The following FRMD4A variants were observed in gnomAD, a reference collection of about 807,000 sequenced individuals.
The protein encoded by FRMD4A is FERM domain containing 4A, also known as FERM domain-containing protein 4A.
A neutral mutation model predicts 129.1 loss-of-function variants in FRMD4A; 29 were observed. The observed-to-expected ratio is 0.22, with a 90% CI of 0.17 to 0.31. The LOEUF (loss-of-function observed/expected upper bound fraction) is 0.31, where lower values mean the gene tolerates loss of function less well. Among genes scored for constraint, FRMD4A ranks in the 10% least tolerant of loss-of-function variants. FRMD4A has a pLI of 1.00. For synonymous variants in FRMD4A, 634 were observed against 571.6 expected, an observed-to-expected ratio of 1.11 and a Z score of -1.56; for missense variants, 1,272 against 1,375.8, an observed-to-expected ratio of 0.92 and a Z score of 1.19.
intron 3 of FRMD4A, among the ~76,000 whole-genome samples, chr10:13,824,890 G>C (rs909518560): frequency 3.4e-5 from 4 of 116,456 alleles, no homozygotes; most frequent in African/African-American, 1.4e-4. Flanking sequence ...GCAAGACTCT[G>C]TCTCAAAAAA....
At chr10:14,036,639 A>G (rs1833514515) in intron 2 of FRMD4A, among the ~76,000 whole-genome samples, 1 of 152,192 alleles carries the variant, frequency 6.6e-6, no homozygotes, top group Non-Finnish European at 1.5e-5. Context: ...TTTGGGATGG[A>G]GTCTTGCTCT....
chr10:14,300,971 T>G (rs1270887058), intron 2 of FRMD4A, among the ~76,000 whole-genome samples: 1 of 152,144 alleles, frequency 6.6e-6, no homozygotes, highest in Non-Finnish European at 1.5e-5. Flanking sequence ...CAATGGGAGC[T>G]TTGGGCCATG....
At chr10:13,712,975 G>A (rs1209506939) in intron 12 of FRMD4A, among the ~76,000 whole-genome samples, 1 of 152,238 alleles carries the variant, frequency 6.6e-6, no homozygotes, top group Non-Finnish European at 1.5e-5. Flanking sequence ...TCCCCAGCCA[G>A]CATTTATGGA....
chr10:14,150,250 A>C (rs368886981), intron 2 of FRMD4A, among the ~76,000 whole-genome samples: 2 of 152,286 alleles, frequency 1.3e-5, no homozygotes, highest in African/African-American at 4.8e-5. Context: ...TACAGTATTG[A>C]TCCTAAAAGG....
At chr10:13,996,697 C>T (rs75975936) in intron 2 of FRMD4A, among the ~76,000 whole-genome samples, 3,340 of 152,292 alleles carry the variant, frequency 0.022, 135 homozygotes, top group African/African-American at 0.075. Flanking sequence ...CTAGTGTTGG[C>T]ACCTGTTACT....
chr10:14,196,134 C>T (rs1842465392), intron 2 of FRMD4A, among the ~76,000 whole-genome samples: 1 of 150,276 alleles, frequency 6.7e-6, no homozygotes, highest in African/African-American at 2.5e-5. Flanking sequence ...CAGGTGTGCA[C>T]ATAAACATAT....
At chr10:13,684,304 G>A (rs1444175776) in intron 15 of FRMD4A, 1 of 984,106 alleles carries the variant, frequency 1.0e-6, no homozygotes, top group Non-Finnish European at 1.2e-6. Flanking sequence ...AGCAGAGAGA[G>A]AGATGGAGTT....
At chr10:13,795,438 G>A (rs2093094100) in intron 5 of FRMD4A, among the ~76,000 whole-genome samples, 1 of 152,230 alleles carries the variant, frequency 6.6e-6, no homozygotes, top group Admixed American at 6.5e-5. Flanking sequence ...AGCCTGTTAA[G>A]TGGACCCTTT....
At chr10:14,186,184 T>C (rs1452120829) in intron 2 of FRMD4A, among the ~76,000 whole-genome samples, 1 of 150,102 alleles carries the variant, frequency 6.7e-6, no homozygotes, top group Non-Finnish European at 1.5e-5. Flanking sequence ...ATGCTAAAAC[T>C]CCCTCCTCTT....
At chr10:14,032,361 T>C (rs1401472347) in intron 2 of FRMD4A, among the ~76,000 whole-genome samples, 1 of 152,228 alleles carries the variant, frequency 6.6e-6, no homozygotes, top group African/African-American at 2.4e-5. Flanking sequence ...CAAATGCTAA[T>C]TGCCAAATGT....
intron 2 of FRMD4A, among the ~76,000 whole-genome samples, chr10:14,113,731 C>G (rs1308741608): frequency 1.3e-5 from 2 of 152,172 alleles, no homozygotes; most frequent in African/African-American, 2.4e-5. Flanking sequence ...TCTAATTGGT[C>G]AAAGGCTATT....
intron 2 of FRMD4A, among the ~76,000 whole-genome samples, chr10:13,989,551 T>C (rs1160790224): frequency 1.3e-5 from 2 of 152,138 alleles, no homozygotes; most frequent in Non-Finnish European, 2.9e-5. Context: ...AAGATCTCAA[T>C]CTCTTGACCT....
chr10:14,039,339 T>C (rs1172275120), intron 2 of FRMD4A, among the ~76,000 whole-genome samples: 1 of 151,924 alleles, frequency 6.6e-6, no homozygotes, highest in African/African-American at 2.4e-5. Flanking sequence ...TAAGATCTTT[T>C]TCTTGCTCAC....
At chr10:14,046,745 G>C (rs1214948696) in intron 2 of FRMD4A, among the ~76,000 whole-genome samples, 1 of 152,194 alleles carries the variant, frequency 6.6e-6, no homozygotes, top group Non-Finnish European at 1.5e-5. Context: ...CAGGGATTTA[G>C]TGTTCTGCCT....
intron 2 of FRMD4A, among the ~76,000 whole-genome samples, chr10:13,868,937 A>T (rs1407849828): frequency 2.0e-5 from 3 of 152,226 alleles, no homozygotes; most frequent in Non-Finnish European, 4.4e-5. Flanking sequence ...ATATTGATGT[A>T]ATAGAAAATG....
chr10:13,900,434 A>G (rs1341993921), intron 2 of FRMD4A, among the ~76,000 whole-genome samples: 2 of 152,230 alleles, frequency 1.3e-5, no homozygotes, highest in African/African-American at 4.8e-5. Flanking sequence ...CACAGACAAG[A>G]ATCAATCAAA....
At chr10:14,173,055 C>T (rs890321383) in intron 2 of FRMD4A, among the ~76,000 whole-genome samples, 1 of 152,188 alleles carries the variant, frequency 6.6e-6, no homozygotes, top group Non-Finnish European at 1.5e-5. Context: ...TGACAAGAGT[C>T]TATTTGTGTC....
chr10:14,090,889 G>T (rs1254569013), intron 2 of FRMD4A, among the ~76,000 whole-genome samples: 1 of 152,024 alleles, frequency 6.6e-6, no homozygotes, highest in African/African-American at 2.4e-5. Flanking sequence ...GCTCAGGCTG[G>T]ACTCAAACTC....
At chr10:14,199,483 G>A (rs950167830) in intron 2 of FRMD4A, among the ~76,000 whole-genome samples, 2 of 150,294 alleles carry the variant, frequency 1.3e-5, no homozygotes, top group Non-Finnish European at 2.9e-5. Flanking sequence ...TCCACCTCCC[G>A]GGCTCAAGCA....
Sources: allele counts gnomAD v4.1 joint callset (sites outside exome capture counted in the v4.1 genomes callset), GRCh38; gene constraint gnomAD v4.1.1; transcripts MANE v1.5; gene names NCBI Gene and HGNC (gene_info 2026-07-23, HGNC 2026-07-21).